The following DNAI1 variants were observed in gnomAD, a reference collection of about 807,000 sequenced individuals.
DNAI1 encodes the protein dynein, axonemal, intermediate polypeptide 1.
Under a neutral mutation model 92.0 loss-of-function variants are expected in DNAI1, and 67 were observed. The ratio of observed to expected loss-of-function variants is 0.73; its 90% CI spans 0.60 to 0.89. DNAI1 has a LOEUF of 0.89. DNAI1 is among the 40% of genes least tolerant of loss of function. The pLI, the probability that DNAI1 is intolerant of heterozygous loss-of-function variation, is 0.00. For missense variants in DNAI1, 839 were observed against 866.6 expected (o/e 0.97, Z 0.40); for synonymous variants, 323 against 319.6 (o/e 1.01, Z -0.11).
chr9:34,458,820 G>T lies in DNAI1; in HGVS notation c.-186G>T. Reference sequence around the variant, plus strand: ...GCTGCTGGTCGGTTGCTGGGTAACCGCGTCAGGGAGTTGGATTCTATCCTG... The same window carrying T: ...GCTGCTGGTCGGTTGCTGGGTAACCTCGTCAGGGAGTTGGATTCTATCCTG... On this transcript the variant is annotated 5_prime_UTR_variant, in exon 1 of 20. Coordinates refer to ENST00000242317, the MANE Select transcript of DNAI1 (RefSeq NM_012144.4). This position sits in a 1 kb window ranked among gnomAD's most constrained non-coding sequence, Gnocchi z 6.6. 1 of 658,310 alleles carries T rather than the reference G, an allele frequency of 1.5e-6. No individual in the cohort carries two copies. Among genetic ancestry groups the T allele is most frequent in the Admixed American group, 2.2e-5 (1 of 45,850 alleles). The allele number at this position is 658,310 out of a possible 1,614,324, so 40.8% of individuals were successfully genotyped here.
At position 34,459,548 on chromosome 9, in the gene DNAI1, C is replaced by T. The variant is rs116008108; in HGVS notation, c.48+495C>T. Among the ~76,000 whole-genome samples, 396 of 151,730 alleles carry T rather than the reference C, an allele frequency of 2.6e-3. 2 individuals are homozygous for T. Among genetic ancestry groups the T allele is most frequent in the African/African-American group, 8.9e-3 (367 of 41,310 alleles). ...GTAACCTCTGCCTCCTGGGTGCAAGCGATTCTCCCACTTCAGCCTGACGAA... is the reference window on the plus strand; with the variant it reads ...GTAACCTCTGCCTCCTGGGTGCAAGTGATTCTCCCACTTCAGCCTGACGAA... On this transcript the variant is annotated intron_variant, in intron 1 of 19. Transcript: ENST00000242317.
intron 4 of DNAI1, chr9:34,489,049 G>C (rs1824528863): frequency 2.5e-6 from 1 of 395,006 alleles, no homozygotes; most frequent in Non-Finnish European, 4.8e-6. Flanking sequence ...CCAGTGATAG[G>C]CAAATCTGGA....
At chr9:34,480,912 C>G (rs1473718817) in intron 1 of DNAI1, among the ~76,000 whole-genome samples, 2 of 152,204 alleles carry the variant, frequency 1.3e-5, no homozygotes, top group South Asian at 2.1e-4. Flanking sequence ...TGCCACTGCA[C>G]TCCAGCCTAG....
intron 7 of DNAI1, 48 bp downstream of exon 7, chr9:34,490,536 G>C: frequency 6.2e-7 from 1 of 1,612,864 alleles, no homozygotes; most frequent in Non-Finnish European, 8.5e-7. Flanking sequence ...CACTGTGCCT[G>C]GCAGGGAAGA....
Position 34,512,135 on chromosome 9 carries a change from C to T in DNAI1, c.1338C>T (p.Asp446=). The T allele has an allele frequency of 6.2e-7, 1 of 1,614,124 alleles. No homozygotes were observed. The highest frequency in any genetic ancestry group is 1.3e-5 in the African/African-American group (1 of 75,024). Residue 446 remains aspartate (D), a synonymous_variant, in exon 14 of 20, where the codon GAC becomes GAT. Transcript: ENST00000242317. Reference sequence around the variant, plus strand: ...TCAAGTGGCAGAAGGATGACATGGACCAAAACCTTAACTTCTTCTCTGTGT... The same window carrying T: ...TCAAGTGGCAGAAGGATGACATGGATCAAAACCTTAACTTCTTCTCTGTGT... ...WQVKWQKDDM[D]QNLNFFSVSS... is the part of the protein sequence containing the mutation.
At chr9:34,505,775 C>T (rs928525723) in intron 12 of DNAI1, among the ~76,000 whole-genome samples, 1 of 152,238 alleles carries the variant, frequency 6.6e-6, no homozygotes, top group African/African-American at 2.4e-5. Flanking sequence ...TACATGCCCT[C>T]TGCTTTAGCA....
intron 1 of DNAI1, among the ~76,000 whole-genome samples, chr9:34,482,718 C>T (rs959460037): frequency 1.3e-4 from 20 of 152,408 alleles, no homozygotes; most frequent in South Asian, 1.2e-3. Context: ...GATCCCCCAC[C>T]GGGGCTGCAG....
chr9:34,517,594 C>T (rs1825194731), intron 19 of DNAI1, 127 bp downstream of exon 19: 2 of 1,102,918 alleles, frequency 1.8e-6, no homozygotes, highest in African/African-American at 1.5e-5. Context: ...AGGATGGTGT[C>T]ATTGCCTGAA....
intron 8 of DNAI1, among the ~76,000 whole-genome samples, chr9:34,492,496 A>AGATATAGATATAGATATATATATC (rs1564033875): frequency 8.7e-5 from 2 of 22,980 alleles, no homozygotes; most frequent in African/African-American, 3.2e-4. Context: ...ATATGAAGAT[A>AGATATAGATATAGATATATATATC]TATATATATA....
At chr9:34,468,545 G>A (rs1300396953) in intron 1 of DNAI1, among the ~76,000 whole-genome samples, 4 of 151,896 alleles carry the variant, frequency 2.6e-5, no homozygotes, top group Non-Finnish European at 4.4e-5. Context: ...AGAGAGCCTG[G>A]CTGGGCATGG....
chr9:34,485,061 T>C, intron 2 of DNAI1, 81 bp from the exon 3 acceptor site: 1 of 1,366,048 alleles, frequency 7.3e-7, no homozygotes, highest in South Asian at 1.2e-5. Context: ...CTTCTGGGAG[T>C]GTTTGTGAAT....
Position 34,489,461 on chromosome 9 carries a change from G to A in DNAI1, c.388+12G>A. The A allele has an allele frequency of 6.2e-7, 1 of 1,612,794 alleles. No homozygotes were observed. ...TGAATTAGTGGCAGGTAGGACTCTG[G>A]GCCATCCTGAAGCTACAGCCCTGAG... On this transcript the variant is annotated intron_variant, in intron 5 of 19. Transcript: ENST00000242317.
chr9:34,499,719 G>C (rs998594469), intron 10 of DNAI1, among the ~76,000 whole-genome samples: 1 of 152,188 alleles, frequency 6.6e-6, no homozygotes, highest in Non-Finnish European at 1.5e-5. Context: ...GGGCATCTTA[G>C]ACATGGAAAA....
chr9:34,483,185 G>A (rs1476139222), intron 1 of DNAI1, among the ~76,000 whole-genome samples: 3 of 152,236 alleles, frequency 2.0e-5, no homozygotes, highest in Non-Finnish European at 2.9e-5. Flanking sequence ...GCAAGCTGAG[G>A]GAGTGGGCTC....
intron 13 of DNAI1, among the ~76,000 whole-genome samples, chr9:34,507,428 A>T (rs956051487): frequency 6.6e-6 from 1 of 152,370 alleles, no homozygotes; most frequent in Middle Eastern, 3.4e-3. Context: ...TTATTAGGAA[A>T]ATCATAAGGA....
At chr9:34,511,377 C>T (rs1321523777) in intron 13 of DNAI1, among the ~76,000 whole-genome samples, 1 of 152,146 alleles carries the variant, frequency 6.6e-6, no homozygotes, top group Non-Finnish European at 1.5e-5. Flanking sequence ...AAATGCAACT[C>T]AAATCTGGGA....
At chr9:34,512,497 T>G (rs1279625000) in intron 15 of DNAI1, 73 bp downstream of exon 15, 1 of 1,429,306 alleles carries the variant, frequency 7.0e-7, no homozygotes, top group Non-Finnish European at 9.8e-7. Context: ...GTGACAGTGG[T>G]CCTTCCCCTG....
In DNAI1 at chr9:34,490,140, GC is replaced by G; in HGVS notation, c.501+17del. On this transcript the variant is annotated intron_variant, in intron 6 of 19. Coordinates refer to ENST00000242317, the MANE Select transcript of DNAI1 (RefSeq NM_012144.4). ...TGCAGCTGGGGTACAGTATAATATC[GC>G]TCTGTGTCCCTCTTCTTCCAGCTCA... 2.5e-6 allele frequency: 4 copies of G among 1,613,700 alleles called. No homozygotes were observed. The highest frequency in any genetic ancestry group is 3.4e-6 in the Non-Finnish European group (4 of 1,179,804).
chr9:34,484,190 G>T (rs1824428398), intron 2 of DNAI1, among the ~76,000 whole-genome samples: 1 of 152,148 alleles, frequency 6.6e-6, no homozygotes, highest in Admixed American at 6.5e-5. Context: ...ACTCCAGCTT[G>T]GGTGACAGAG....
Sources: allele counts gnomAD v4.1 joint callset (sites outside exome capture counted in the v4.1 genomes callset), GRCh38; gene constraint gnomAD v4.1.1; non-coding constraint Gnocchi (gnomAD v3.1); transcripts MANE v1.5; gene names NCBI Gene and HGNC (gene_info 2026-07-23, HGNC 2026-07-21).